MOB3B: variants seen among roughly 807,000 people sequenced by gnomAD.
The protein encoded by MOB3B is MOB kinase activator-like 2B.
MOB3B carries 7 observed loss-of-function variants against 18.7 expected under a neutral mutation model. That is an observed-to-expected ratio of 0.37 (90% CI 0.21 to 0.70). The LOEUF (loss-of-function observed/expected upper bound fraction) is 0.70. MOB3B is among the 30% of genes least tolerant of loss of function. The pLI is 0.52. For synonymous variants in MOB3B, 111 were observed against 99.9 expected, an observed-to-expected ratio of 1.11 and a Z score of -0.66; for missense variants, 253 against 281.3, an observed-to-expected ratio of 0.90 and a Z score of 0.72.
chr9:27,331,031 G>A (rs1187179992), intron 3 of MOB3B, among the ~76,000 whole-genome samples: 1 of 152,088 alleles, frequency 6.6e-6, no homozygotes, highest in East Asian at 1.9e-4. Context: ...AATTGGATTT[G>A]GACTGCTAGT....
At chr9:27,476,625 G>C (rs568826566) in intron 1 of MOB3B, among the ~76,000 whole-genome samples, 2 of 152,296 alleles carry the variant, frequency 1.3e-5, no homozygotes, top group East Asian at 3.9e-4. Flanking sequence ...ATGAATTTGG[G>C]ATGGGGAACA....
chr9:27,382,718 A>ATATATATC (rs1491224196), intron 2 of MOB3B, among the ~76,000 whole-genome samples: 1 of 464 alleles, frequency 2.2e-3, no homozygotes, highest in East Asian at 0.5. Context: ...GGTGAAGGTG[A>ATATATATC]TATATATATA....
chr9:27,446,915 T>C (rs1347466909), intron 2 of MOB3B, among the ~76,000 whole-genome samples: 1 of 152,162 alleles, frequency 6.6e-6, no homozygotes, highest in Non-Finnish European at 1.5e-5. Flanking sequence ...TAGCTAGTCT[T>C]CCTAGAGCAT....
chr9:27,433,859 C>G (rs968592747), intron 2 of MOB3B, among the ~76,000 whole-genome samples: 1 of 152,108 alleles, frequency 6.6e-6, no homozygotes, highest in African/African-American at 2.4e-5. Context: ...GCAGCCTTCT[C>G]CTTGCGAGTC....
At chr9:27,418,743 A>G (rs7040540) in intron 2 of MOB3B, among the ~76,000 whole-genome samples, 1 of 151,996 alleles carries the variant, frequency 6.6e-6, no homozygotes, top group Non-Finnish European at 1.5e-5. Flanking sequence ...AATGGGGAAA[A>G]GTTGAAAACA....
At chr9:27,441,798 A>G (rs565690697) in intron 2 of MOB3B, among the ~76,000 whole-genome samples, 1 of 152,316 alleles carries the variant, frequency 6.6e-6, no homozygotes, top group Admixed American at 6.5e-5. Context: ...AACATAGTCT[A>G]GTGCCTACTA....
At chr9:27,460,573 G>T (rs1325341092) in intron 1 of MOB3B, among the ~76,000 whole-genome samples, 1 of 152,180 alleles carries the variant, frequency 6.6e-6, no homozygotes, top group African/African-American at 2.4e-5. Flanking sequence ...ATCTTCTCTA[G>T]CCAGGCCCAC....
At chr9:27,428,552 A>G (rs17696142) in intron 2 of MOB3B, among the ~76,000 whole-genome samples, 28,644 of 152,214 alleles carry the variant, frequency 0.19, 2,983 homozygotes, top group Middle Eastern at 0.27. Flanking sequence ...GGCCAAAGGT[A>G]AAACAAAGTA....
intron 1 of MOB3B, among the ~76,000 whole-genome samples, chr9:27,458,797 C>T (rs1471961831): frequency 6.6e-6 from 1 of 151,936 alleles, no homozygotes; most frequent in East Asian, 1.9e-4. Flanking sequence ...CTCAAGCAAT[C>T]CTCCCGCTCT....
chr9:27,436,082 C>T (rs935918464), intron 2 of MOB3B, among the ~76,000 whole-genome samples: 1 of 152,166 alleles, frequency 6.6e-6, no homozygotes, highest in Admixed American at 6.5e-5. Context: ...ACCCAGACCC[C>T]GTACCACCAT....
intron 3 of MOB3B, among the ~76,000 whole-genome samples, chr9:27,350,872 C>A (rs138196434): frequency 6.6e-6 from 1 of 151,938 alleles, no homozygotes; most frequent in East Asian, 1.9e-4. Context: ...CATGTACACC[C>A]CCTCTGCCCC....
chr9:27,516,892 C>G (rs1323394337), intron 1 of MOB3B, among the ~76,000 whole-genome samples: 1 of 152,198 alleles, frequency 6.6e-6, no homozygotes, highest in Non-Finnish European at 1.5e-5. Flanking sequence ...GGATAGACAT[C>G]TCCACTTAGC....
intron 2 of MOB3B, among the ~76,000 whole-genome samples, chr9:27,359,504 A>T (rs921201806): frequency 4.6e-5 from 7 of 152,044 alleles, no homozygotes; most frequent in African/African-American, 1.7e-4. Context: ...AGAGCTTCTA[A>T]TTTTTCAAGA....
At chr9:27,453,006 C>G (rs1051052303) in intron 2 of MOB3B, among the ~76,000 whole-genome samples, 1 of 152,132 alleles carries the variant, frequency 6.6e-6, no homozygotes. Context: ...GCTTTTAGGT[C>G]TCACCTAAGA....
intron 3 of MOB3B, among the ~76,000 whole-genome samples, chr9:27,354,850 G>A (rs944370748): frequency 6.6e-6 from 1 of 152,148 alleles, no homozygotes; most frequent in Non-Finnish European, 1.5e-5. Context: ...CAGAAAAGAG[G>A]TCATGGGAGC....
chr9:27,357,144 A>ATATATATATATATATATATGTG (rs1486801059), intron 3 of MOB3B, among the ~76,000 whole-genome samples: 12 of 80,968 alleles, frequency 1.5e-4, no homozygotes, highest in African/African-American at 5.0e-4. Flanking sequence ...ATATATATAT[A>ATATATATATATATATATATGTG]TGTGTTTTTT....
chr9:27,329,318 C>G lies in MOB3B; in HGVS notation c.*1269G>C, dbSNP rs955196493. ...ATCAGAGAAGGCAACATTTCATCAA[C>G]GAAAACTCATTTAGGTTTCAAAAGG... On this transcript the variant is annotated 3_prime_UTR_variant, in exon 4 of 4. Transcript: ENST00000262244. 5.9e-5 allele frequency: 9 copies of G among 152,110 alleles called. No homozygotes were observed. The highest frequency in any genetic ancestry group is 3.9e-4 in the Admixed American group (6 of 15,276). The allele number at this position is 152,110 out of a possible 1,614,324, so 9.4% of individuals were successfully genotyped here.
chr9:27,473,360 G>A (rs1819502877), intron 1 of MOB3B, among the ~76,000 whole-genome samples: 1 of 152,108 alleles, frequency 6.6e-6, no homozygotes, highest in Non-Finnish European at 1.5e-5. Flanking sequence ...GGACACAGAG[G>A]AGTCACTCCC....
chr9:27,523,685 C>T (rs895504700), intron 1 of MOB3B, among the ~76,000 whole-genome samples: 2 of 152,130 alleles, frequency 1.3e-5, no homozygotes, highest in African/African-American at 4.8e-5. Flanking sequence ...AACTTAGTCT[C>T]CTACTTAGTA....
Sources: gnomAD v4.1 joint callset for allele counts (sites outside exome capture counted in the v4.1 genomes callset) on GRCh38, gnomAD v4.1.1 for gene constraint, MANE v1.5 for transcripts, NCBI Gene and HGNC (gene_info 2026-07-23, HGNC 2026-07-21) for gene names.